MARS1: variants seen among roughly 807,000 people sequenced by gnomAD.
MARS1 encodes methionine--tRNA ligase, cytoplasmic.
Under a neutral mutation model 119.5 loss-of-function variants are expected in MARS1, and 80 were observed. That is an observed-to-expected ratio of 0.67 (90% confidence interval 0.56 to 0.81). MARS1 has a LOEUF of 0.81. Ranked by LOEUF, MARS1 falls within the 30% of genes least tolerant of loss-of-function variation. The pLI is 0.00. For missense variants in MARS1, 945 were observed against 1,116.5 expected (o/e 0.85, Z 2.19); for synonymous variants, 418 against 433.4 (o/e 0.96, Z 0.44).
intron 6 of MARS1, 65 bp downstream of exon 6, chr12:57,490,444 T>C: frequency 6.2e-7 from 1 of 1,610,462 alleles, no homozygotes. Flanking sequence ...ACTTTGAGCA[T>C]GGCCACTAAC....
In MARS1 at chr12:57,516,355, T is replaced by TGTGGGAGACTGGACAAG; in HGVS notation, c.2556+19_2556+35dup. ...CAAAACAAGTATGAAGCTTAAGCCC[T>TGTGGGAGACTGGACAAG]GTGGGAGACTGGACAAGCTGAATCC... On this transcript the variant is annotated intron_variant, in intron 20 of 20. Coordinates refer to ENST00000262027, the MANE Select transcript of MARS1 (RefSeq NM_004990.4). The TGTGGGAGACTGGACAAG allele has an allele frequency of 6.2e-7, 1 of 1,613,848 alleles. No individual in the cohort carries two copies. Among genetic ancestry groups the TGTGGGAGACTGGACAAG allele is most frequent in the Non-Finnish European group, 8.5e-7 (1 of 1,179,708 alleles).
intron 4 of MARS1, 76 bp from the exon 5 acceptor site, chr12:57,489,820 A>C: frequency 7.4e-7 from 1 of 1,350,362 alleles, no homozygotes; most frequent in Admixed American, 1.7e-5. Flanking sequence ...AGTGCTCAGT[A>C]AATGTTAGAT....
intron 7 of MARS1, among the ~76,000 whole-genome samples, chr12:57,495,870 C>T (rs890981671): frequency 3.9e-5 from 6 of 152,186 alleles, no homozygotes; most frequent in Non-Finnish European, 8.8e-5. Context: ...TGTGGCGGCG[C>T]GCGCCTGCAA....
intron 15 of MARS1, among the ~76,000 whole-genome samples, chr12:57,514,375 G>T (rs1443502204): frequency 3.9e-5 from 6 of 151,928 alleles, no homozygotes; most frequent in Non-Finnish European, 8.8e-5. Context: ...AGGCCAGGCT[G>T]GTCTTGAACT....
Position 57,504,203 on chromosome 12 carries a change from C to G in MARS1, c.1294-22C>G, listed in dbSNP as rs555529215. The G allele has an allele frequency of 1.0e-4, 161 of 1,596,966 alleles. 3 individuals carry two copies. The South Asian group carries it at 1.7e-3, about 17-fold the overall frequency. ...CCCCTGGCCTGCAGGCCTGATCTGT[C>G]CTCTGGAATTTTCCTTCGCAGAAGC... On this transcript the variant is annotated intron_variant, in intron 10 of 20. Transcript: ENST00000262027.
Position 57,488,119 on chromosome 12 carries a change from C to T in MARS1, c.29C>T (p.Pro10Leu), listed in dbSNP as rs1203672656. 3 of 1,614,038 alleles carry T rather than the reference C, an allele frequency of 1.9e-6. No individual in the cohort carries two copies. Among genetic ancestry groups the T allele is most frequent in the Non-Finnish European group, 1.7e-6 (2 of 1,180,044 alleles). Reference protein sequence around the residue: MRLFVSDGVPGCLPVLAAAG... With the variant: MRLFVSDGVLGCLPVLAAAG... ...AGACTGTTCGTGAGTGATGGCGTCC[C>T]GGGTTGCTTGCCGGTGCTGGCCGCC... is the stretch of plus-strand genomic sequence containing the variant. The change falls in exon 1 of 21, where the codon CCG (proline) becomes CTG (leucine). Residue 10 changes from proline (P) to leucine (L), a missense_variant. Transcript: ENST00000262027.
chr12:57,488,262 C>T (rs1172076941), intron 1 of MARS1, 63 bp downstream of exon 1: 4 of 1,487,252 alleles, frequency 2.7e-6, no homozygotes, highest in Non-Finnish European at 2.8e-6. Flanking sequence ...GCCAGATTCT[C>T]TGCAGCTGTC....
rs1877825833 is a variant in MARS1, at chr12:57,516,300, A to T, written c.2519A>T (p.Gln840Leu). The T allele has an allele frequency of 6.2e-7, 1 of 1,614,134 alleles. No individual in the cohort carries two copies. Among genetic ancestry groups the T allele is most frequent in the Non-Finnish European group, 8.5e-7 (1 of 1,180,046 alleles). ...VVETVTTAKP[Q>L]QIQALMDEVT... ...GAGACTGTTACAACAGCCAAGCCAC[A>T]GCAGATACAAGCGCTGATGGATGAA... The change falls in exon 20 of 21, where the codon CAG (glutamine) becomes CTG (leucine). Residue 840 changes from glutamine to leucine, a missense_variant. Coordinates refer to ENST00000262027, the MANE Select transcript of MARS1 (RefSeq NM_004990.4).
At chr12:57,503,513 G>A (rs534839683) in intron 10 of MARS1, among the ~76,000 whole-genome samples, 38 of 151,692 alleles carry the variant, frequency 2.5e-4, no homozygotes, top group Middle Eastern at 6.8e-3. Flanking sequence ...GATTATAGGC[G>A]TGAGCCACGG....
intron 9 of MARS1, among the ~76,000 whole-genome samples, chr12:57,499,854 G>A (rs1460292144): frequency 6.6e-6 from 1 of 152,008 alleles, no homozygotes; most frequent in African/African-American, 2.4e-5. Context: ...AGCTGAGATC[G>A]CACCACTGCA....
intron 10 of MARS1, among the ~76,000 whole-genome samples, chr12:57,503,835 C>T (rs1296163661): frequency 6.6e-5 from 10 of 152,022 alleles, no homozygotes; most frequent in Non-Finnish European, 1.3e-4. Flanking sequence ...CCACCGCGCC[C>T]GGCCCACACT....
intron 7 of MARS1, among the ~76,000 whole-genome samples, chr12:57,497,656 A>G (rs1876699672): frequency 6.6e-6 from 1 of 152,140 alleles, no homozygotes; most frequent in Non-Finnish European, 1.5e-5. Context: ...AGTGACAGAC[A>G]TGGGTTAGAG....
Position 57,511,815 on chromosome 12 carries a change from AC to A in MARS1, c.1489del (p.Arg497GlufsTer11). On this transcript the variant is annotated frameshift_variant, in exon 12 of 21. Transcript: ENST00000262027. LOFTEE classifies it high-confidence loss of function. ...GGATGGCCTCAAGCCACGCTGCATA[AC>A]CCGAGACCTCAAATGGGGAACCCCT... ...LRDGLKPRCI[T>X]RDLKWGTPVP... is the part of the protein sequence containing the mutation. The A allele has an allele frequency of 6.2e-7, 1 of 1,614,190 alleles. No homozygotes were observed.
intron 7 of MARS1, among the ~76,000 whole-genome samples, chr12:57,493,869 A>ATTT (rs1459749943): frequency 1.9e-4 from 1 of 5,194 alleles, no homozygotes; most frequent in Non-Finnish European, 7.2e-3. Flanking sequence ...TATATTATAT[A>ATTT]ATATATATAA....
chr12:57,512,317 G>A lies in MARS1; in HGVS notation c.1717G>A (p.Asp573Asn), dbSNP rs1594833103. ...TCCTTGCTCAGCCCTAGGAGCTGAG[G>A]ATAACTATACCTTGGTCAGCCACCT... ...VFPCSALGAE[D>N]NYTLVSHLIA... Residue 573 changes from aspartate (D) to asparagine (N), a missense_variant, in exon 14 of 21, where the codon GAT (aspartate) becomes AAT (asparagine). Transcript: ENST00000262027. 1 of 1,614,112 alleles carries A rather than the reference G, an allele frequency of 6.2e-7. No individual in the cohort carries two copies. Among genetic ancestry groups the A allele is most frequent in the Non-Finnish European group, 8.5e-7 (1 of 1,179,996 alleles).
chr12:57,488,249 C>T, intron 1 of MARS1, 50 bp downstream of exon 1: 1 of 1,536,522 alleles, frequency 6.5e-7, no homozygotes, highest in Non-Finnish European at 9.0e-7. Flanking sequence ...GGGACCGAAA[C>T]ACGCCAGATT....
rs771306648 is a variant in MARS1, at chr12:57,514,850, C to A, written c.2098C>A (p.Arg700=). The A allele has an allele frequency of 1.9e-6, 3 of 1,613,710 alleles. No individual in the cohort carries two copies. The highest frequency in any genetic ancestry group is 1.7e-6 in the Non-Finnish European group (2 of 1,179,686). The change falls in exon 16 of 21, where the codon CGG becomes AGG. Residue 700 remains arginine, a splice_region_variant and synonymous_variant. Coordinates refer to ENST00000262027, the MANE Select transcript of MARS1 (RefSeq NM_004990.4). ...QHYHQLLEKV[R]IRDALRSILT... is the part of the protein sequence containing the mutation. ...CTATCACCAGCTACTTGAGAAGGTT[C>A]GGTAAGTAACTGACACCTCTGTCTT...
At chr12:57,504,762 G>A (rs952098965) in intron 11 of MARS1, among the ~76,000 whole-genome samples, 1 of 135,830 alleles carries the variant, frequency 7.4e-6, no homozygotes, top group African/African-American at 2.7e-5. Flanking sequence ...GGTGTGCAAT[G>A]GCGCACTCTT....
chr12:57,490,774 AC>A, intron 7 of MARS1, 130 bp downstream of exon 7: 1 of 445,612 alleles, frequency 2.2e-6, no homozygotes, highest in Non-Finnish European at 3.7e-6. Flanking sequence ...TTTAATTCTT[AC>A]ATCTCTTTTT....
Sources: gnomAD v4.1 joint callset for allele counts (sites outside exome capture counted in the v4.1 genomes callset) on GRCh38, gnomAD v4.1.1 for gene constraint, MANE v1.5 for transcripts, NCBI Gene and HGNC (gene_info 2026-07-23, HGNC 2026-07-21) for gene names.